Variants in GRIK4 observed in about 807,000 individuals in gnomAD.
GRIK4 encodes glutamate receptor ionotropic, kainate 4.
Under a neutral mutation model 104.9 loss-of-function variants are expected in GRIK4, and 40 were observed. That is an observed-to-expected ratio of 0.38 (90% CI 0.30 to 0.50). The LOEUF (loss-of-function observed/expected upper bound fraction) is 0.50, where lower values mean the gene tolerates loss of function less well. Among genes scored for constraint, GRIK4 ranks in the 20% least tolerant of loss-of-function variants. GRIK4 has a pLI of 0.93. For missense variants in GRIK4, 1,047 were observed against 1,308.1 expected (o/e 0.80, Z 3.08); for synonymous variants, 485 against 524.9 (o/e 0.92, Z 1.04).
intron 3 of GRIK4, among the ~76,000 whole-genome samples, chr11:120,756,010 ACT>A (rs1318842735): frequency 1.3e-5 from 2 of 151,654 alleles, no homozygotes; most frequent in African/African-American, 2.4e-5. Context: ...GCATCATGAG[ACT>A]CTGTTCTGTG....
At chr11:120,516,797 A>G (rs1947731507) in intron 1 of GRIK4, among the ~76,000 whole-genome samples, 2 of 152,080 alleles carry the variant, frequency 1.3e-5, no homozygotes, top group Non-Finnish European at 2.9e-5. Context: ...GGGATGGGCG[A>G]TGCGAGGGGA....
At chr11:120,650,389 G>C (rs1949602006) in intron 1 of GRIK4, among the ~76,000 whole-genome samples, 2 of 152,210 alleles carry the variant, frequency 1.3e-5, no homozygotes, top group African/African-American at 2.4e-5. Context: ...TGTGGTTTCA[G>C]CAGACTCCCT....
chr11:120,806,474 A>T (rs967164828), intron 4 of GRIK4, among the ~76,000 whole-genome samples: 3 of 152,112 alleles, frequency 2.0e-5, no homozygotes, highest in East Asian at 1.9e-4. Context: ...TCATTAATTT[A>T]AAAAAATGTG....
intron 1 of GRIK4, among the ~76,000 whole-genome samples, chr11:120,613,530 G>A (rs1949064254): frequency 6.6e-6 from 1 of 152,174 alleles, no homozygotes; most frequent in Non-Finnish European, 1.5e-5. Context: ...AGGAATGCAG[G>A]GCAGCACACG....
intron 1 of GRIK4, among the ~76,000 whole-genome samples, chr11:120,514,464 T>TG (rs1044512120): frequency 9.2e-5 from 14 of 152,328 alleles, no homozygotes; most frequent in African/African-American, 3.1e-4. Flanking sequence ...CCAGTGCTGT[T>TG]GGGCTCGTTG....
chr11:120,682,700 T>C (rs1254310607), intron 3 of GRIK4, among the ~76,000 whole-genome samples: 1 of 151,870 alleles, frequency 6.6e-6, no homozygotes, highest in Non-Finnish European at 1.5e-5. Context: ...TTCCATCTTA[T>C]ACATGGGAAG....
chr11:120,606,327 G>A (rs140287279), intron 1 of GRIK4, among the ~76,000 whole-genome samples: 1 of 152,160 alleles, frequency 6.6e-6, no homozygotes, highest in Non-Finnish European at 1.5e-5. Context: ...CCACCCTGAC[G>A]GCCCAGTTGG....
intron 11 of GRIK4, among the ~76,000 whole-genome samples, chr11:120,886,589 C>T (rs1592039746): frequency 6.6e-6 from 1 of 152,198 alleles, no homozygotes; most frequent in African/African-American, 2.4e-5. Flanking sequence ...GAACCTAGCC[C>T]TGTATTTCCC....
At chr11:120,874,673 C>T (rs183496637) in intron 10 of GRIK4, among the ~76,000 whole-genome samples, 26 of 152,276 alleles carry the variant, frequency 1.7e-4, no homozygotes, top group African/African-American at 6.0e-4. Context: ...GAATGAGGAT[C>T]TCTACCCTAC....
intron 1 of GRIK4, among the ~76,000 whole-genome samples, chr11:120,623,915 C>A (rs1185164744): frequency 6.6e-6 from 1 of 151,652 alleles, no homozygotes; most frequent in Non-Finnish European, 1.5e-5. Context: ...TCTCTCTGGG[C>A]CCTCCCCGTT....
intron 1 of GRIK4, among the ~76,000 whole-genome samples, chr11:120,571,486 A>G (rs1018208740): frequency 6.6e-6 from 1 of 152,068 alleles, no homozygotes; most frequent in African/African-American, 2.4e-5. Flanking sequence ...AGGAAAGCTG[A>G]TTGGTGGCAG....
chr11:120,967,062 C>A lies in GRIK4; in HGVS notation c.2267-133C>A, dbSNP rs982016833. ...ACTGGCCCCATGGGCTCGCCCCACCCGCTGCATCTGTCTGTCCCCTCTCGA... is the reference window on the plus strand; with the variant it reads ...ACTGGCCCCATGGGCTCGCCCCACCAGCTGCATCTGTCTGTCCCCTCTCGA... On this transcript the variant is annotated intron_variant, in intron 18 of 20. Transcript: ENST00000527524. The surrounding 1 kb of genome is among the most constrained non-coding windows in gnomAD (Gnocchi z 4.2). 3.1e-6 allele frequency: 3 copies of A among 981,854 alleles called. No individual in the cohort carries two copies. The highest frequency in any genetic ancestry group is 2.6e-5 in the Admixed American group (1 of 38,250). The allele number at this position is 981,854 out of a possible 1,614,324, so 60.8% of individuals were successfully genotyped here.
chr11:120,517,984 G>T (rs1439984586), intron 1 of GRIK4, among the ~76,000 whole-genome samples: 1 of 152,206 alleles, frequency 6.6e-6, no homozygotes, highest in Non-Finnish European at 1.5e-5. Flanking sequence ...GTTTAAGAAG[G>T]CGTGGAAGAT....
At chr11:120,864,250 T>C (rs1236141019) in intron 9 of GRIK4, among the ~76,000 whole-genome samples, 2 of 151,052 alleles carry the variant, frequency 1.3e-5, no homozygotes, top group Non-Finnish European at 2.9e-5. Flanking sequence ...TATTTATTTA[T>C]TTATTTTTGA....
chr11:120,631,565 A>G (rs746651500), intron 1 of GRIK4, among the ~76,000 whole-genome samples: 13 of 152,112 alleles, frequency 8.5e-5, no homozygotes, highest in Non-Finnish European at 1.5e-4. Flanking sequence ...TGCCCCCAGG[A>G]CAGTAGGCAG....
chr11:120,941,351 C>T (rs970980553), intron 14 of GRIK4, among the ~76,000 whole-genome samples: 1 of 152,162 alleles, frequency 6.6e-6, no homozygotes, highest in Admixed American at 6.5e-5. Flanking sequence ...CAAGAGATCA[C>T]CCAACATGCC....
rs190002255 is a variant in GRIK4 at position 120,863,058 on chromosome 11, G to A, written c.906+938G>A. 5.3e-5 allele frequency among the ~76,000 whole-genome samples: 8 copies of A among 152,290 alleles called. No individual in the cohort carries two copies. The East Asian group carries it at 1.5e-3, about 29-fold the overall frequency. ...ACCAGGATCAGAACCCAGGCCGTAT[G>A]GCTTTACAGTTTATATTTTTAACCT... On this transcript the variant is annotated intron_variant, in intron 9 of 20. Transcript: ENST00000527524.
chr11:120,818,509 T>C (rs1005670721), intron 5 of GRIK4, among the ~76,000 whole-genome samples: 1 of 152,218 alleles, frequency 6.6e-6, no homozygotes, highest in Non-Finnish European at 1.5e-5. Flanking sequence ...GTGGAAAATA[T>C]TGGTTGCCCT....
chr11:120,847,558 GA>G, intron 8 of GRIK4, among the ~76,000 whole-genome samples: 1 of 152,270 alleles, frequency 6.6e-6, no homozygotes, highest in South Asian at 2.1e-4. Flanking sequence ...CTAAGTGGGG[GA>G]TACACACAGT....
Sources: gnomAD v4.1 joint callset for allele counts (sites outside exome capture counted in the v4.1 genomes callset) on GRCh38, gnomAD v4.1.1 for gene constraint, Gnocchi (gnomAD v3.1) non-coding constraint, MANE v1.5 for transcripts, NCBI Gene and HGNC (gene_info 2026-07-23, HGNC 2026-07-21) for gene names.